The following MSR1 variants were observed in gnomAD, a reference collection of about 807,000 sequenced individuals.
MSR1 encodes the protein macrophage scavenger receptor 1, also known as macrophage scavenger receptor types I and II.
MSR1 carries 53 observed loss-of-function variants against 47.2 expected under a neutral mutation model. The ratio of observed to expected loss-of-function variants is 1.12; its 90% confidence interval spans 0.90 to 1.41. MSR1 has a LOEUF of 1.41. MSR1 is among the 40% of genes most tolerant of loss of function. MSR1 has a pLI of 0.00. For synonymous variants in MSR1, 239 were observed against 185.6 expected (o/e 1.29, Z -2.34); for missense variants, 786 against 546.9 (o/e 1.44, Z -4.36).
intron 7 of MSR1, among the ~76,000 whole-genome samples, chr8:16,144,900 T>C (rs994774245): frequency 5.9e-5 from 9 of 152,110 alleles, no homozygotes; most frequent in Non-Finnish European, 1.2e-4. Flanking sequence ...TTTATATTTA[T>C]TTTTGATTTC....
chr8:16,147,773 G>C (rs1800740356), intron 7 of MSR1, among the ~76,000 whole-genome samples: 1 of 152,124 alleles, frequency 6.6e-6, no homozygotes, highest in African/African-American at 2.4e-5. Flanking sequence ...CTTTTAATAA[G>C]AAGTGATGTC....
At chr8:16,192,503 CACAT>C (rs1223205820) in intron 1 of MSR1, 91 bp downstream of exon 1, 2 of 151,994 alleles carry the variant, frequency 1.3e-5, no homozygotes, top group African/African-American at 2.4e-5. Flanking sequence ...ATATATCACA[CACAT>C]GCATGCACAC....
At chr8:16,134,836 C>A (rs1326223183) in intron 8 of MSR1, among the ~76,000 whole-genome samples, 2 of 152,132 alleles carry the variant, frequency 1.3e-5, no homozygotes. Context: ...CACCTTATTG[C>A]CGATATAAAG....
At chr8:16,180,036 G>T (rs987631862) in intron 1 of MSR1, among the ~76,000 whole-genome samples, 19 of 151,890 alleles carry the variant, frequency 1.3e-4, no homozygotes, top group African/African-American at 4.6e-4. Flanking sequence ...CTGACCTCAA[G>T]TCTGCCTCCC....
intron 6 of MSR1, among the ~76,000 whole-genome samples, chr8:16,152,532 T>C (rs762943752): frequency 1.8e-4 from 28 of 152,226 alleles, no homozygotes; most frequent in South Asian, 1.2e-3. Flanking sequence ...TACTGGTTGA[T>C]GATGAAAAGT....
chr8:16,120,936 A>G (rs1182539025), intron 8 of MSR1: 6 of 351,568 alleles, frequency 1.7e-5, no homozygotes, highest in Non-Finnish European at 3.2e-5. Context: ...ATTTTTTCAT[A>G]CCATTGAAAA....
chr8:16,136,858 C>T (rs1015837686), intron 8 of MSR1, among the ~76,000 whole-genome samples: 3 of 152,020 alleles, frequency 2.0e-5, no homozygotes, highest in Non-Finnish European at 4.4e-5. Flanking sequence ...ACCTTGGCCT[C>T]CCAAAGCGCT....
chr8:16,120,617 A>G lies in MSR1; in HGVS notation c.1034-11T>C. The G allele has an allele frequency of 3.6e-6, 1 of 279,376 alleles. No individual in the cohort carries two copies. Among genetic ancestry groups the G allele is most frequent in the Non-Finnish European group, 4.1e-6 (1 of 242,630 alleles). 17.3% of individuals were successfully genotyped at this position (279,376 alleles called of 1,614,324 possible). A position where few individuals can be genotyped will look rare whatever the true frequency, so the allele number is the denominator to read the frequency against. ...CTTTCGTAAATGGAGCTGTAAAGTT[A>G]AAAAAAAAAAAAAAAAAAAAAAAAG... On this transcript the variant is annotated splice_polypyrimidine_tract_variant and intron_variant, in intron 8 of 9. Coordinates refer to ENST00000262101, the MANE Select transcript of MSR1 (RefSeq NM_138715.3).
rs891680516 is a variant in MSR1, at chr8:16,130,543, C to T, written c.1034-9937G>A. 3.9e-5 allele frequency among the ~76,000 whole-genome samples: 6 copies of T among 152,098 alleles called. No individual in the cohort carries two copies. In the South Asian group the frequency reaches 8.3e-4, roughly 21 times the overall value. On this transcript the variant is annotated intron_variant, in intron 8 of 9. Coordinates refer to ENST00000262101, the MANE Select transcript of MSR1 (RefSeq NM_138715.3). Reference sequence around the variant, plus strand: ...GAAGGTTGGTTATATAGGTAAATTGCGTGTCGTGGCAATTTGGTGGACACA... The same window carrying T: ...GAAGGTTGGTTATATAGGTAAATTGTGTGTCGTGGCAATTTGGTGGACACA...
Position 16,140,901 on chromosome 8 carries a change from CA to C in MSR1, c.1033+2656del, listed in dbSNP as rs556310104. ...GAACCAAAGTCATTTGGAGGAGTCACAAAAGGATCTTGGAAGTCAGTTGTGC... is the reference window on the plus strand; with the variant it reads ...GAACCAAAGTCATTTGGAGGAGTCACAAAGGATCTTGGAAGTCAGTTGTGC... On this transcript the variant is annotated intron_variant, in intron 8 of 9. Transcript: ENST00000262101. The C allele has an allele frequency of 8.3e-5, 133 of 1,609,948 alleles. No homozygotes were observed. In the African/African-American group the frequency reaches 1.6e-3, roughly 20 times the overall value.
chr8:16,120,710 A>C, intron 8 of MSR1, 104 bp from the exon 9 acceptor site: 1 of 1,349,674 alleles, frequency 7.4e-7, no homozygotes, highest in Non-Finnish European at 9.9e-7. Flanking sequence ...AAAAATGTTT[A>C]GCACATTTTC....
Position 16,155,161 on chromosome 8 carries a change from G to C in MSR1, c.818-17C>G. The C allele has an allele frequency of 6.3e-7, 1 of 1,591,696 alleles. No individual in the cohort carries two copies. Among genetic ancestry groups the C allele is most frequent in the Non-Finnish European group, 8.6e-7 (1 of 1,161,166 alleles). On this transcript the variant is annotated splice_polypyrimidine_tract_variant and intron_variant, in intron 5 of 9. Transcript: ENST00000262101. ...CAGGAGGACCTTTAAAAAAATTACA[G>C]TTACTGATCATAGTTGTAAAGCATA...
chr8:16,179,919 T>C (rs932256674), intron 1 of MSR1, among the ~76,000 whole-genome samples: 2 of 150,914 alleles, frequency 1.3e-5, no homozygotes, highest in African/African-American at 4.9e-5. Context: ...TATTTATTTA[T>C]TTACTTATTT....
chr8:16,123,529 T>G (rs892096944), intron 8 of MSR1, among the ~76,000 whole-genome samples: 1 of 152,008 alleles, frequency 6.6e-6, no homozygotes, highest in African/African-American at 2.4e-5. Context: ...AGGGCTTTTT[T>G]TTTTTCCATT....
chr8:16,169,304 T>C (rs975816926), intron 3 of MSR1, among the ~76,000 whole-genome samples: 1 of 152,332 alleles, frequency 6.6e-6, no homozygotes, highest in East Asian at 1.9e-4. Flanking sequence ...ATCATGATGA[T>C]GACAAAAGCA....
intron 9 of MSR1, among the ~76,000 whole-genome samples, chr8:16,115,379 T>C (rs565358955): frequency 6.6e-6 from 1 of 152,136 alleles, no homozygotes; most frequent in Non-Finnish European, 1.5e-5. Context: ...CTTTTTCTTT[T>C]CCTCTTGAGT....
intron 5 of MSR1, among the ~76,000 whole-genome samples, chr8:16,158,172 A>G (rs1227427045): frequency 8.6e-5 from 13 of 151,992 alleles, no homozygotes; most frequent in African/African-American, 3.1e-4. Context: ...AAGCCATAGA[A>G]TTTACATTAT....
chr8:16,174,332 G>C (rs1338989101), intron 3 of MSR1, among the ~76,000 whole-genome samples: 2 of 152,008 alleles, frequency 1.3e-5, no homozygotes, highest in African/African-American at 4.8e-5. Context: ...AGAGCACATG[G>C]GCAGACATTT....
Position 16,139,775 on chromosome 8 carries a change from ATATATATATATATATATATATATATATAT to A in MSR1, c.1033+3754_1033+3782del, listed in dbSNP as rs1426719328. The A allele has an allele frequency of 2.4e-3, 19 of 8,012 alleles. 2 individuals carry two copies. The highest frequency in any genetic ancestry group is 4.6e-3 in the Non-Finnish European group (18 of 3,950). The allele number at this position is 8,012 out of a possible 1,614,324, so 0.5% of individuals were successfully genotyped here. On this transcript the variant is annotated intron_variant, in intron 8 of 9. Transcript: ENST00000262101. ...AAAAAAAAAAAAAAAAAAAAAAAAA[ATATATATATATATATATATATATATATAT>A]ATATATATATATATATATATGCTGT... is the stretch of plus-strand genomic sequence containing the variant.
Sources: allele counts gnomAD v4.1 joint callset (sites outside exome capture counted in the v4.1 genomes callset), GRCh38; gene constraint gnomAD v4.1.1; transcripts MANE v1.5; gene names NCBI Gene and HGNC (gene_info 2026-07-23, HGNC 2026-07-21).